MTMR8: variants seen among roughly 807,000 people sequenced by gnomAD.
MTMR8 encodes phosphatidylinositol-3,5-bisphosphate 3-phosphatase MTMR8.
MTMR8 carries 65 observed loss-of-function variants against 39.3 expected under a neutral mutation model. The observed-to-expected ratio is 1.65, with a 90% CI of 1.35 to 2.03. The LOEUF (loss-of-function observed/expected upper bound fraction) is 2.03. Ranked by LOEUF, MTMR8 falls within the 30% of genes most tolerant of loss-of-function variation. The pLI, the probability that MTMR8 is intolerant of heterozygous loss-of-function variation, is 0.00. For synonymous variants in MTMR8, 245 were observed against 185.2 expected (o/e 1.32, Z -2.62); for missense variants, 777 against 538.9 (o/e 1.44, Z -4.37).
At chrX:64,392,886 G>A (rs190886201) in intron 1 of MTMR8, among the ~76,000 whole-genome samples, 2 of 111,145 alleles carry the variant, frequency 1.8e-5, no homozygotes, top group African/African-American at 3.3e-5. Context: ...GAAACAGTGA[G>A]TTAACAAAAG....
intron 12 of MTMR8, among the ~76,000 whole-genome samples, chrX:64,325,756 C>T (rs1922773088): frequency 1.8e-5 from 2 of 112,055 alleles, no homozygotes; most frequent in Admixed American, 9.4e-5. Flanking sequence ...TTTACCACTT[C>T]TATTCTACTT....
intron 12 of MTMR8, among the ~76,000 whole-genome samples, chrX:64,283,678 T>A (rs1352898330): frequency 8.9e-6 from 1 of 112,505 alleles, no homozygotes; most frequent in Non-Finnish European, 1.9e-5. Flanking sequence ...ATATTCGCTG[T>A]TCTGCAGCCT....
At chrX:64,283,144 A>G (rs1378209507) in intron 12 of MTMR8, among the ~76,000 whole-genome samples, 1 of 112,093 alleles carries the variant, frequency 8.9e-6, no homozygotes, top group Non-Finnish European at 1.9e-5. Flanking sequence ...CGCTTTTCCA[A>G]TGGTCACAGC....
chrX:64,383,068 C>T (rs1225710504), intron 1 of MTMR8, among the ~76,000 whole-genome samples: 1 of 111,482 alleles, frequency 9.0e-6, no homozygotes, highest in Non-Finnish European at 1.9e-5. Context: ...TTACTATACA[C>T]CAAGTATTGA....
chrX:64,350,957 A>G (rs1404556269), intron 4 of MTMR8, among the ~76,000 whole-genome samples: 1 of 111,762 alleles, frequency 8.9e-6, no homozygotes, highest in Non-Finnish European at 1.9e-5. Flanking sequence ...ACAGGCAAAA[A>G]TAAAAAAAGT....
Position 64,321,080 on chromosome X carries a change from TAG to T in MTMR8, c.1481+7690_1481+7691del, listed in dbSNP as rs765905147. 9.0e-5 allele frequency among the ~76,000 whole-genome samples: 10 copies of T among 111,364 alleles called. No homozygotes were observed. In the South Asian group the frequency reaches 3.0e-3, roughly 33 times the overall value. ...CACAACAAGTAGCAACAAAAAATCC[TAG>T]AGAGAGGTAAAAATCTGATTTCTAC... On this transcript the variant is annotated intron_variant, in intron 12 of 13. Coordinates refer to ENST00000374852, the MANE Select transcript of MTMR8 (RefSeq NM_017677.4).
chrX:64,344,920 C>T lies in MTMR8; in HGVS notation c.865+125G>A, dbSNP rs988774001. ...CTAGATTTGTACAATAGTTAAACAC[C>T]TAACCACTTATTGACTCTGCTCACC... On this transcript the variant is annotated intron_variant, in intron 7 of 13. Coordinates refer to ENST00000374852, the MANE Select transcript of MTMR8 (RefSeq NM_017677.4). The T allele has an allele frequency of 6.0e-6, 4 of 672,035 alleles. No individual in the cohort carries two copies. The African/African-American group carries it at 8.8e-5, about 15-fold the overall frequency. The allele number at this position is 672,035 out of a possible 1,213,427, so 55.4% of individuals were successfully genotyped here.
chrX:64,362,433 A>G (rs1923808466), intron 1 of MTMR8, among the ~76,000 whole-genome samples: 1 of 100,972 alleles, frequency 9.9e-6, no homozygotes, highest in Non-Finnish European at 2.0e-5. Flanking sequence ...GAAAAAAATC[A>G]ACAACAACAA....
Position 64,331,552 on chromosome X carries a change from T to C in MTMR8, c.1352+5A>G. On this transcript the variant is annotated splice_donor_5th_base_variant and intron_variant, in intron 11 of 13. Coordinates refer to ENST00000374852, the MANE Select transcript of MTMR8 (RefSeq NM_017677.4). The stretch of plus-strand genomic sequence containing the variant: ...GTTCAGTGTCTTCTCACAAAGTAAA[T>C]TCACCTTAGATCTTCCCGATCCTTC... 8.3e-7 allele frequency: 1 copy of C among 1,207,904 alleles called. No homozygotes were observed. Among genetic ancestry groups the C allele is most frequent in the Middle Eastern group, 2.3e-4 (1 of 4,340 alleles).
At chrX:64,316,216 A>G (rs1013250737) in intron 12 of MTMR8, among the ~76,000 whole-genome samples, 4 of 111,819 alleles carry the variant, frequency 3.6e-5, no homozygotes, top group African/African-American at 1.3e-4. Context: ...TTCTTTTCTG[A>G]TGTTCCAAGA....
intron 12 of MTMR8, among the ~76,000 whole-genome samples, chrX:64,301,600 C>G (rs1448645046): frequency 1.8e-5 from 2 of 112,222 alleles, no homozygotes; most frequent in Middle Eastern, 4.6e-3. Context: ...CTCCATCCAG[C>G]TTTGTTCCAT....
rs751399962 is a variant in MTMR8, at chrX:64,304,860, T to TTATATA, written c.1481+23906_1481+23911dup. ...GAGCTAAGCTTGATGGATCAAACAT[T>TTATATA]TATATATATATATATATATATATAT... On this transcript the variant is annotated intron_variant, in intron 12 of 13. Transcript: ENST00000374852. Among the ~76,000 whole-genome samples the TTATATA allele has an allele frequency of 7.9e-3, 226 of 28,546 alleles. 7 individuals carry two copies. The highest frequency in any genetic ancestry group is 0.017 in the South Asian group (3 of 180). 24.8% of individuals were successfully genotyped at this position (28,546 alleles called of 115,157 possible). A position where few individuals can be genotyped will look rare whatever the true frequency, so the allele number is the denominator to read the frequency against.
At chrX:64,384,824 C>T (rs1924517741) in intron 1 of MTMR8, among the ~76,000 whole-genome samples, 1 of 112,501 alleles carries the variant, frequency 8.9e-6, no homozygotes, top group African/African-American at 3.2e-5. Context: ...TCTGAAATGC[C>T]TTTGAGGTCT....
chrX:64,286,795 T>C (rs1921195317), intron 12 of MTMR8, among the ~76,000 whole-genome samples: 1 of 111,420 alleles, frequency 9.0e-6, no homozygotes, highest in Non-Finnish European at 1.9e-5. Flanking sequence ...ATAAATTAGG[T>C]ATTGATGGGA....
chrX:64,287,444 C>T (rs1569210434), intron 12 of MTMR8, among the ~76,000 whole-genome samples: 2 of 111,335 alleles, frequency 1.8e-5, no homozygotes, highest in South Asian at 3.8e-4. Context: ...TGACTTTCTT[C>T]ACAGAATTGG....
At chrX:64,380,968 C>T (rs959745790) in intron 1 of MTMR8, among the ~76,000 whole-genome samples, 3 of 112,170 alleles carry the variant, frequency 2.7e-5, no homozygotes, top group Non-Finnish European at 5.6e-5. Context: ...TGTATATGTG[C>T]CACATTTTCT....
At chrX:64,341,479 C>CAAAAAA (rs758580930) in intron 8 of MTMR8, among the ~76,000 whole-genome samples, 4 of 25,511 alleles carry the variant, frequency 1.6e-4, no homozygotes, top group Non-Finnish European at 2.2e-4. Context: ...AACTCTGTCT[C>CAAAAAA]AAAAAAAAAA....
At chrX:64,300,829 C>T (rs1471511867) in intron 12 of MTMR8, among the ~76,000 whole-genome samples, 2 of 107,875 alleles carry the variant, frequency 1.9e-5, no homozygotes, top group Admixed American at 2.0e-4. Flanking sequence ...TTCTCCTTCA[C>T]TTATGAAGCT....
intron 6 of MTMR8, 87 bp downstream of exon 6, chrX:64,348,573 T>G: frequency 9.1e-7 from 1 of 1,095,097 alleles, no homozygotes; most frequent in Non-Finnish European, 1.2e-6. Flanking sequence ...CAAACCTAAC[T>G]TTCCCAATAA....
Sources: gnomAD v4.1 joint callset for allele counts (sites outside exome capture counted in the v4.1 genomes callset) on GRCh38, gnomAD v4.1.1 for gene constraint, MANE v1.5 for transcripts, NCBI Gene and HGNC (gene_info 2026-07-23, HGNC 2026-07-21) for gene names.